PTPRD: variants seen among roughly 807,000 people sequenced by gnomAD.
PTPRD encodes the protein receptor-type tyrosine-protein phosphatase delta.
Under a neutral mutation model 214.5 loss-of-function variants are expected in PTPRD, and 34 were observed. That is an observed-to-expected ratio of 0.16 (90% CI 0.12 to 0.21). The LOEUF (loss-of-function observed/expected upper bound fraction) is 0.21, where lower values mean the gene tolerates loss of function less well. Ranked by LOEUF, PTPRD falls within the 10% of genes least tolerant of loss-of-function variation. PTPRD has a pLI of 1.00. For missense variants in PTPRD, 2,545 were observed against 2,398.7 expected (o/e 1.06, Z -1.27); for synonymous variants, 1,128 against 845.7 (o/e 1.33, Z -5.79).
chr9:9,528,107 G>A (rs914722027), intron 8 of PTPRD, among the ~76,000 whole-genome samples: 3 of 152,216 alleles, frequency 2.0e-5, no homozygotes, highest in Non-Finnish European at 2.9e-5. Context: ...AAACTGTGGA[G>A]AGTGAAGGAA....
intron 3 of PTPRD, among the ~76,000 whole-genome samples, chr9:10,097,762 C>A (rs910127631): frequency 3.9e-5 from 6 of 151,940 alleles, no homozygotes; most frequent in Admixed American, 3.3e-4. Flanking sequence ...CTGGCCAGAA[C>A]TTCCAACACT....
intron 5 of PTPRD, among the ~76,000 whole-genome samples, chr9:9,831,504 A>T (rs1356363557): frequency 1.3e-5 from 2 of 151,936 alleles, no homozygotes; most frequent in African/African-American, 2.4e-5. Context: ...ACTGACAAGT[A>T]CCCTTTTATA....
At chr9:10,153,749 T>C (rs527839896) in intron 3 of PTPRD, among the ~76,000 whole-genome samples, 11 of 152,242 alleles carry the variant, frequency 7.2e-5, no homozygotes, top group African/African-American at 2.4e-4. Context: ...GTTCTCATCA[T>C]TTAGCTCCCA....
chr9:9,809,248 G>A (rs1048141916), intron 5 of PTPRD, among the ~76,000 whole-genome samples: 4 of 150,812 alleles, frequency 2.7e-5, no homozygotes, highest in African/African-American at 9.7e-5. Flanking sequence ...CAGATAAAGG[G>A]CCTTAGCCAC....
chr9:9,282,908 T>C (rs926718467), intron 9 of PTPRD, among the ~76,000 whole-genome samples: 6 of 151,634 alleles, frequency 4.0e-5, no homozygotes, highest in Non-Finnish European at 7.4e-5. Flanking sequence ...GAGTTAGTTA[T>C]GTGAACCTTT....
chr9:9,212,181 T>G (rs2099949194), intron 9 of PTPRD, among the ~76,000 whole-genome samples: 1 of 152,184 alleles, frequency 6.6e-6, no homozygotes, highest in Non-Finnish European at 1.5e-5. Flanking sequence ...ATTGGTGAAT[T>G]CCATGTTCTT....
At chr9:9,778,355 T>A (rs1178013945) in intron 5 of PTPRD, among the ~76,000 whole-genome samples, 4 of 152,112 alleles carry the variant, frequency 2.6e-5, no homozygotes, top group Non-Finnish European at 5.9e-5. Flanking sequence ...GAATATGTGA[T>A]CTGGCAGGGG....
At chr9:8,471,160 C>G in intron 30 of PTPRD, 75 bp from the exon 31 acceptor site, 1 of 1,289,866 alleles carries the variant, frequency 7.8e-7, no homozygotes, top group Admixed American at 1.7e-5. Flanking sequence ...AAACCTTCCA[C>G]AGACCAATGA....
chr9:8,752,077 C>G (rs1407683256), intron 11 of PTPRD, among the ~76,000 whole-genome samples: 1 of 152,140 alleles, frequency 6.6e-6, no homozygotes, highest in Non-Finnish European at 1.5e-5. Flanking sequence ...CCTGCCACCG[C>G]TGTCAGAGAT....
chr9:10,435,914 G>T (rs2098714079), intron 2 of PTPRD, among the ~76,000 whole-genome samples: 1 of 151,716 alleles, frequency 6.6e-6, no homozygotes, highest in African/African-American at 2.4e-5. Context: ...TGCTTTTCAT[G>T]TTTTCAGACC....
chr9:9,036,607 G>A (rs1022192233), intron 10 of PTPRD, among the ~76,000 whole-genome samples: 12 of 152,278 alleles, frequency 7.9e-5, no homozygotes, highest in African/African-American at 2.9e-4. Context: ...GATGTTAATA[G>A]AGGAAACTGA....
intron 3 of PTPRD, among the ~76,000 whole-genome samples, chr9:10,089,039 T>A (rs988266340): frequency 1.3e-5 from 2 of 151,350 alleles, no homozygotes; most frequent in African/African-American, 4.8e-5. Context: ...CAAGACCCCA[T>A]CTCTATAAAG....
intron 11 of PTPRD, among the ~76,000 whole-genome samples, chr9:8,845,718 A>G (rs1214786648): frequency 6.6e-6 from 1 of 152,248 alleles, no homozygotes; most frequent in Non-Finnish European, 1.5e-5. Context: ...TGTGTGAGAC[A>G]TACGTCACTT....
chr9:9,311,688 T>A (rs1178095721), intron 9 of PTPRD, among the ~76,000 whole-genome samples: 1 of 152,168 alleles, frequency 6.6e-6, no homozygotes, highest in Non-Finnish European at 1.5e-5. Context: ...ACCAAATCGT[T>A]CCTTAATCTA....
At chr9:10,285,734 C>T (rs1293099819) in intron 3 of PTPRD, among the ~76,000 whole-genome samples, 2 of 151,754 alleles carry the variant, frequency 1.3e-5, no homozygotes, top group Non-Finnish European at 2.9e-5. Context: ...CCTCAGCCTC[C>T]CGAGTAGCTG....
chr9:9,545,057 C>G (rs1204403399), intron 8 of PTPRD, among the ~76,000 whole-genome samples: 1 of 151,634 alleles, frequency 6.6e-6, no homozygotes, highest in East Asian at 1.9e-4. Flanking sequence ...TACTTCTTGT[C>G]CCACATATGG....
intron 8 of PTPRD, among the ~76,000 whole-genome samples, chr9:9,527,862 C>A (rs2074498911): frequency 6.6e-6 from 1 of 152,136 alleles, no homozygotes; most frequent in African/African-American, 2.4e-5. Flanking sequence ...CATGTTAGAT[C>A]AGAAAACTTC....
intron 3 of PTPRD, among the ~76,000 whole-genome samples, chr9:10,131,346 T>C (rs769539593): frequency 5.9e-5 from 9 of 152,126 alleles, no homozygotes; most frequent in Non-Finnish European, 1.0e-4. Flanking sequence ...ATGGGAACAA[T>C]TGCAGTAGTT....
chr9:9,781,949 C>T (rs1197641126), intron 5 of PTPRD, among the ~76,000 whole-genome samples: 3 of 152,062 alleles, frequency 2.0e-5, no homozygotes, highest in African/African-American at 4.8e-5. Context: ...CCCACTACCA[C>T]GCCCGGCTAA....
Sources: gnomAD v4.1 joint callset for allele counts (sites outside exome capture counted in the v4.1 genomes callset) on GRCh38, gnomAD v4.1.1 for gene constraint, MANE v1.5 for transcripts, NCBI Gene and HGNC (gene_info 2026-07-23, HGNC 2026-07-21) for gene names.